Variants in NOP9 observed in about 807,000 individuals in gnomAD.
NOP9 encodes the protein nucleolar protein 9.
NOP9 carries 50 observed loss-of-function variants against 63.0 expected under a neutral mutation model. The observed-to-expected ratio is 0.79, with a 90% CI of 0.63 to 1.00. NOP9 has a LOEUF of 1.00. Among genes scored for constraint, NOP9 ranks in the 50% least tolerant of loss-of-function variants. NOP9 has a pLI of 0.00. For missense variants in NOP9, 758 were observed against 803.0 expected (o/e 0.94, Z 0.68); for synonymous variants, 343 against 332.8 (o/e 1.03, Z -0.33).
In NOP9 at chr14:24,305,621, G is replaced by T. The variant is rs371813029; in HGVS notation, c.*526G>T. 6.2e-7 allele frequency: 1 copy of T among 1,607,064 alleles called. No homozygotes were observed. Among genetic ancestry groups the T allele is most frequent in the South Asian group, 1.1e-5 (1 of 90,032 alleles). On this transcript the variant is annotated 3_prime_UTR_variant, in exon 10 of 10. Transcript: ENST00000267425. ...GGTTGGAATGATTCTGGGGGCAGAAGCTCAGAGCCCCTTAGTAGGAATGGA... is the reference window on the plus strand; with the variant it reads ...GGTTGGAATGATTCTGGGGGCAGAATCTCAGAGCCCCTTAGTAGGAATGGA...
Position 24,305,050 on chromosome 14 carries a change from G to C in NOP9, c.1866G>C (p.Ala622=), listed in dbSNP as rs201845272. The C allele has an allele frequency of 3.8e-6, 6 of 1,597,082 alleles. No homozygotes were observed. The South Asian group carries it at 6.8e-5, about 18-fold the overall frequency. Residue 622 remains alanine, a synonymous_variant, in exon 10 of 10, where the codon GCG becomes GCC. Transcript: ENST00000267425. ...RREAWEQQQG[A]VAKRRRALNS... Reference sequence around the variant, plus strand: ...AGGCTTGGGAACAGCAGCAGGGTGCGGTGGCCAAGCGGAGGCGGGCATTGA... The same window carrying C: ...AGGCTTGGGAACAGCAGCAGGGTGCCGTGGCCAAGCGGAGGCGGGCATTGA...
chr14:24,281,376 G>A, the NOP9 span, among the ~76,000 whole-genome samples: 2 of 152,210 alleles, frequency 1.3e-5, no homozygotes, highest in South Asian at 2.1e-4. Context: ...GTCTCACTGG[G>A]CCTGTGAGTT....
In NOP9 at chr14:24,306,682, T is replaced by C; in HGVS notation, c.*1587T>C. 1 of 860,466 alleles carries C rather than the reference T, an allele frequency of 1.2e-6. No individual in the cohort carries two copies. The highest frequency in any genetic ancestry group is 1.8e-6 in the Non-Finnish European group (1 of 559,992). 53.3% of individuals were successfully genotyped at this position (860,466 alleles called of 1,614,324 possible). ...CTAAAGGTTGCAGCTCTCCGTGTTCTTCAGTTTTTGGGGGATCCTAGCTAG... is the reference window on the plus strand; with the variant it reads ...CTAAAGGTTGCAGCTCTCCGTGTTCCTCAGTTTTTGGGGGATCCTAGCTAG... On this transcript the variant is annotated 3_prime_UTR_variant, in exon 10 of 10. Transcript: ENST00000267425.
chr14:24,295,459 G>T (rs1171633777), upstream of NOP9, among the ~76,000 whole-genome samples: 1 of 152,228 alleles, frequency 6.6e-6, no homozygotes, highest in Non-Finnish European at 1.5e-5. Flanking sequence ...AGGAAAGGCA[G>T]TAAATGCGCA....
Position 24,306,359 on chromosome 14 carries a change from G to A in NOP9, c.*1264G>A, listed in dbSNP as rs748070366. The A allele has an allele frequency of 6.2e-7, 1 of 1,614,194 alleles. No individual in the cohort carries two copies. The highest frequency in any genetic ancestry group is 1.7e-5 in the Admixed American group (1 of 60,032). ...AGGACAGGCATTGGAAGCAGCCCCA[G>A]TATAGGCCTCTTACCCTTGTAGGGC... On this transcript the variant is annotated 3_prime_UTR_variant, in exon 10 of 10. Transcript: ENST00000267425.
At chr14:24,278,729 CTT>C in the NOP9 span, among the ~76,000 whole-genome samples, 1 of 152,206 alleles carries the variant, frequency 6.6e-6, no homozygotes, top group African/African-American at 2.4e-5. Context: ...ACTAACATGA[CTT>C]TGGGATGCAC....
the NOP9 span, among the ~76,000 whole-genome samples, chr14:24,283,532 A>G: frequency 6.6e-6 from 1 of 152,110 alleles, no homozygotes; most frequent in African/African-American, 2.4e-5. Flanking sequence ...CTGGGGAGGT[A>G]CAGGTTGCAG....
chr14:24,304,293 T>C lies in NOP9; in HGVS notation c.1647+16T>C. 2 of 1,596,830 alleles carry C rather than the reference T, an allele frequency of 1.3e-6. No individual in the cohort carries two copies. Among genetic ancestry groups the C allele is most frequent in the Non-Finnish European group, 1.7e-6 (2 of 1,165,384 alleles). ...GAACCTAAAGGTTAGATTTCTGGCTTTTGCCTTGATTCCCCACCATCATCC... is the reference window on the plus strand; with the variant it reads ...GAACCTAAAGGTTAGATTTCTGGCTCTTGCCTTGATTCCCCACCATCATCC... On this transcript the variant is annotated intron_variant, in intron 8 of 9. Transcript: ENST00000267425.
the NOP9 span, chr14:24,293,532 CCACTG>C: frequency 2.6e-5 from 4 of 151,696 alleles, no homozygotes; most frequent in Non-Finnish European, 4.4e-5. Flanking sequence ...TGAGATTGTG[CCACTG>C]CACTCTAGCC....
Position 24,306,928 on chromosome 14 carries a change from C to T in NOP9, c.*1833C>T, listed in dbSNP as rs774905450. 1 of 274,846 alleles carries T rather than the reference C, an allele frequency of 3.6e-6. No individual in the cohort carries two copies. The highest frequency in any genetic ancestry group is 7.0e-6 in the Non-Finnish European group (1 of 141,848). The allele number at this position is 274,846 out of a possible 1,614,324, so 17.0% of individuals were successfully genotyped here. A position where few individuals can be genotyped will look rare whatever the true frequency, so the allele number is the denominator to read the frequency against. On this transcript the variant is annotated 3_prime_UTR_variant, in exon 10 of 10. Transcript: ENST00000267425. ...AACCTTTTTGAGTCCTTACTCTGTGCCAGGTATGAGGACTTTACCTACATT... is the reference window on the plus strand; with the variant it reads ...AACCTTTTTGAGTCCTTACTCTGTGTCAGGTATGAGGACTTTACCTACATT...
the NOP9 span, chr14:24,290,793 GAGAC>G: frequency 6.3e-7 from 1 of 1,591,884 alleles, no homozygotes; most frequent in Non-Finnish European, 8.6e-7. Context: ...CTGTTTCACT[GAGAC>G]AGGACGAACC....
At position 24,305,041 on chromosome 14, in the gene NOP9, G is replaced by A; in HGVS notation, c.1857G>A (p.Gln619=). Residue 619 remains glutamine (Q), a synonymous_variant, in exon 10 of 10, where the codon CAG becomes CAA. Coordinates refer to ENST00000267425, the MANE Select transcript of NOP9 (RefSeq NM_174913.3). ...FLKRREAWEQ[Q]QGAVAKRRRA... is the part of the protein sequence containing the mutation. The stretch of plus-strand genomic sequence containing the variant: ...AGCGGCGAGAGGCTTGGGAACAGCA[G>A]CAGGGTGCGGTGGCCAAGCGGAGGC... 1.2e-6 allele frequency: 2 copies of A among 1,604,350 alleles called. No individual in the cohort carries two copies. Among genetic ancestry groups the A allele is most frequent in the Non-Finnish European group, 1.7e-6 (2 of 1,175,744 alleles).
chr14:24,307,795 T>C lies in NOP9; in HGVS notation c.*2700T>C. 1.3e-6 allele frequency: 2 copies of C among 1,584,394 alleles called. No homozygotes were observed. Among genetic ancestry groups the C allele is most frequent in the Non-Finnish European group, 1.7e-6 (2 of 1,164,210 alleles). On this transcript the variant is annotated 3_prime_UTR_variant, in exon 10 of 10. Coordinates refer to ENST00000267425, the MANE Select transcript of NOP9 (RefSeq NM_174913.3). ...GCCTATATCCCCTAAAGGTGGAGGG[T>C]AGAGCGGAGGGTTAGCAGTCACCTG... is the stretch of plus-strand genomic sequence containing the variant.
the NOP9 span, among the ~76,000 whole-genome samples, chr14:24,277,114 G>T: frequency 8.5e-5 from 13 of 152,174 alleles, no homozygotes; most frequent in Non-Finnish European, 1.3e-4. Flanking sequence ...GGATTTGGTA[G>T]CAGGTGAGAC....
At chr14:24,299,794 A>G, upstream of NOP9, 1 of 925,168 alleles carries the variant, frequency 1.1e-6, no homozygotes, top group Admixed American at 3.1e-5. Flanking sequence ...TGACACACCC[A>G]CCCCGCCCGG....
chr14:24,306,103 C>T lies in NOP9; in HGVS notation c.*1008C>T. The T allele has an allele frequency of 1.2e-6, 2 of 1,614,030 alleles. No homozygotes were observed. Among genetic ancestry groups the T allele is most frequent in the African/African-American group, 1.3e-5 (1 of 75,028 alleles). On this transcript the variant is annotated 3_prime_UTR_variant, in exon 10 of 10. Coordinates refer to ENST00000267425, the MANE Select transcript of NOP9 (RefSeq NM_174913.3). ...GGCGATGTCCTTGCTGTGCTTGGGCCTCTCCCGTCCCAGGCCATATGACAG... is the reference window on the plus strand; with the variant it reads ...GGCGATGTCCTTGCTGTGCTTGGGCTTCTCCCGTCCCAGGCCATATGACAG...
the NOP9 span, chr14:24,292,329 C>T: frequency 3.1e-6 from 5 of 1,613,986 alleles, no homozygotes; most frequent in Non-Finnish European, 4.2e-6. Context: ...CAGCTTGTCA[C>T]ACTGTGGAGA....
At chr14:24,291,713 AAAAGACC>A in the NOP9 span, 4 of 1,407,596 alleles carry the variant, frequency 2.8e-6, no homozygotes, top group Non-Finnish European at 4.0e-6. Flanking sequence ...TTCCAGGAGA[AAAAGACC>A]AAAGACCAAA....
the NOP9 span, among the ~76,000 whole-genome samples, chr14:24,278,729 C>T: frequency 7.9e-5 from 12 of 152,206 alleles, no homozygotes; most frequent in Admixed American, 3.9e-4. Flanking sequence ...ACTAACATGA[C>T]TTTGGGATGC....
Sources: gnomAD v4.1 joint callset for allele counts (sites outside exome capture counted in the v4.1 genomes callset) on GRCh38, gnomAD v4.1.1 for gene constraint, MANE v1.5 for transcripts, NCBI Gene and HGNC (gene_info 2026-07-23, HGNC 2026-07-21) for gene names.